Variants in SSC4D observed in about 807,000 individuals in gnomAD.
The protein encoded by SSC4D is scavenger receptor cysteine-rich domain-containing group B protein.
Under a neutral mutation model 63.4 loss-of-function variants are expected in SSC4D, and 57 were observed. The ratio of observed to expected loss-of-function variants is 0.90; its 90% confidence interval spans 0.73 to 1.12. SSC4D has a LOEUF of 1.12. SSC4D is among the 50% of genes most tolerant of loss of function. The pLI is 0.00. For synonymous variants in SSC4D, 352 were observed against 345.4 expected (o/e 1.02, Z -0.21); for missense variants, 791 against 806.4 (o/e 0.98, Z 0.23).
intron 1 of SSC4D, among the ~76,000 whole-genome samples, chr7:76,404,830 GA>G (rs966431846): frequency 2.0e-5 from 3 of 151,950 alleles, no homozygotes; most frequent in Non-Finnish European, 2.9e-5. Flanking sequence ...AGCACTTTGG[GA>G]GCCTGAGGGA....
At chr7:76,394,327 C>T (rs1380095144) in intron 7 of SSC4D, among the ~76,000 whole-genome samples, 1 of 152,078 alleles carries the variant, frequency 6.6e-6, no homozygotes, top group African/African-American at 2.4e-5. Flanking sequence ...TCACTGCAGC[C>T]TAGAACTCCT....
Position 76,400,544 on chromosome 7 carries a change from C to A in SSC4D, c.217G>T (p.Val73Phe). 1 of 1,536,082 alleles carries A rather than the reference C, an allele frequency of 6.5e-7. No individual in the cohort carries two copies. The highest frequency in any genetic ancestry group is 8.8e-7 in the Non-Finnish European group (1 of 1,139,604). The change falls in exon 4 of 11, where the codon GTC becomes TTC. Residue 73 changes from valine to phenylalanine, a missense_variant. Coordinates refer to ENST00000275560, the MANE Select transcript of SSC4D (RefSeq NM_080744.2). Reference protein sequence around the residue: ...GPSRCRGRLEVMHGGSWGSVC... With the variant: ...GPSRCRGRLEFMHGGSWGSVC... The stretch of plus-strand genomic sequence containing the variant: ...CTGCCCCAGGAGCCACCGTGCATGA[C>A]TTCCAGGCGGCCCCGGCAGCGGCTG...
At chr7:76,397,448 C>T in intron 6 of SSC4D, 70 bp downstream of exon 6, 1 of 1,430,824 alleles carries the variant, frequency 7.0e-7, no homozygotes, top group Admixed American at 2.9e-5. Flanking sequence ...ACCGAAGCCT[C>T]CTCCTCCAGC....
At chr7:76,401,808 T>A (rs1804838620) in intron 2 of SSC4D, among the ~76,000 whole-genome samples, 1 of 152,196 alleles carries the variant, frequency 6.6e-6, no homozygotes, top group African/African-American at 2.4e-5. Flanking sequence ...TTCCTCTGAA[T>A]TCCTGGACAC....
chr7:76,389,658 A>G lies in SSC4D; in HGVS notation c.*401T>C. 5.3e-6 allele frequency: 1 copy of G among 189,096 alleles called. No homozygotes were observed. Among genetic ancestry groups the G allele is most frequent in the Admixed American group, 5.3e-5 (1 of 18,692 alleles). 11.7% of individuals were successfully genotyped at this position (189,096 alleles called of 1,614,324 possible). On this transcript the variant is annotated 3_prime_UTR_variant, in exon 11 of 11. Transcript: ENST00000275560. ...GCCTTCCCTCTTCTTGGGGATCCCA[A>G]GATGGGTTGGGGGAAGAGGAGATAC... is the stretch of plus-strand genomic sequence containing the variant.
Position 76,400,552 on chromosome 7 carries a change from C to T in SSC4D, c.209G>A (p.Arg70His), listed in dbSNP as rs746892123. 21 of 1,517,478 alleles carry T rather than the reference C, an allele frequency of 1.4e-5. No individual in the cohort carries two copies. The highest frequency in any genetic ancestry group is 4.2e-5 in the African/African-American group (3 of 71,548). 94.0% of individuals were successfully genotyped at this position (1,517,478 alleles called of 1,614,324 possible). A position where few individuals can be genotyped will look rare whatever the true frequency, so the allele number is the denominator to read the frequency against. ...LVGGPSRCRG[R>H]LEVMHGGSWG... Reference sequence around the variant, plus strand: ...GGAGCCACCGTGCATGACTTCCAGGCGGCCCCGGCAGCGGCTGGGGCCCCC... The same window carrying T: ...GGAGCCACCGTGCATGACTTCCAGGTGGCCCCGGCAGCGGCTGGGGCCCCC... The change falls in exon 4 of 11, where the codon CGC becomes CAC. Residue 70 changes from arginine to histidine, a missense_variant. Coordinates refer to ENST00000275560, the MANE Select transcript of SSC4D (RefSeq NM_080744.2).
intron 1 of SSC4D, 73 bp downstream of exon 1, chr7:76,409,323 TCACACACACACACACACA>T (rs3081030): frequency 6.8e-6 from 1 of 146,428 alleles, no homozygotes; most frequent in African/African-American, 2.5e-5. Context: ...TCTCTCTGTC[TCACACACACACACACACA>T]CACACACACA....
chr7:76,394,867 ATATT>A (rs928133674), intron 7 of SSC4D, among the ~76,000 whole-genome samples: 4 of 132,914 alleles, frequency 3.0e-5, no homozygotes, highest in African/African-American at 1.4e-4. Flanking sequence ...TATATATAAG[ATATT>A]TATTTATTTA....
intron 9 of SSC4D, among the ~76,000 whole-genome samples, chr7:76,392,315 G>A (rs1165820656): frequency 2.0e-5 from 3 of 152,084 alleles, no homozygotes; most frequent in Admixed American, 6.6e-5. Context: ...TTGGGAGGCC[G>A]AGGCGGGTGG....
chr7:76,392,661 T>C (rs1437594984), intron 9 of SSC4D, among the ~76,000 whole-genome samples: 3 of 151,714 alleles, frequency 2.0e-5, no homozygotes, highest in Non-Finnish European at 4.4e-5. Context: ...CACGGTGGCA[T>C]GCCCCTTGTG....
chr7:76,393,556 C>T lies in SSC4D; in HGVS notation c.1182G>A (p.Thr394=), dbSNP rs555171387. The T allele has an allele frequency of 7.2e-6, 11 of 1,519,774 alleles. No individual in the cohort carries two copies. The South Asian group carries it at 1.1e-4, about 15-fold the overall frequency. 94.1% of individuals were successfully genotyped at this position (1,519,774 alleles called of 1,614,324 possible). ...GGCCGTAGCCGAAGTGGCCCAGTCC[C>T]GTAGCGCCCAGCGCAGGCCCGCAGC... The part of the protein sequence containing the change: ...EAGCGPALGA[T]GLGHFGYGRG... The change falls in exon 9 of 11, where the codon ACG becomes ACA. Residue 394 remains threonine, a synonymous_variant. Transcript: ENST00000275560.
chr7:76,390,534 C>T (rs2115732306), intron 10 of SSC4D, among the ~76,000 whole-genome samples, 159 bp from the exon 11 acceptor site: 1 of 152,322 alleles, frequency 6.6e-6, no homozygotes, highest in African/African-American at 2.4e-5. Flanking sequence ...AAGATTGGCG[C>T]TGGCTGGGCA....
Position 76,401,056 on chromosome 7 carries a change from G to A in SSC4D, c.134-13C>T. 2 of 1,543,810 alleles carry A rather than the reference G, an allele frequency of 1.3e-6. No individual in the cohort carries two copies. Among genetic ancestry groups the A allele is most frequent in the Non-Finnish European group, 1.8e-6 (2 of 1,142,814 alleles). On this transcript the variant is annotated splice_polypyrimidine_tract_variant and intron_variant, in intron 2 of 10. Transcript: ENST00000275560. The stretch of plus-strand genomic sequence containing the variant: ...TGTAGGGCGCTGGCTGAAACAGAGT[G>A]AGGAAGAGCATTGGCCCCTCTGCCC...
rs965675574 is a variant in SSC4D at position 76,397,753 on chromosome 7, G to T, written c.633C>A (p.Gly211=). The T allele has an allele frequency of 5.0e-6, 8 of 1,612,914 alleles. No individual in the cohort carries two copies. Among genetic ancestry groups the T allele is most frequent in the African/African-American group, 1.3e-5 (1 of 74,940 alleles). ...RVEILHSGLW[G]TVCDDDWGLP... ...GCCCCCAGTCGTCGTCACACACGGT[G>T]CCCCACAGGCCACTGTGCAGGATCT... Residue 211 remains glycine (G), a synonymous_variant, in exon 6 of 11, where the codon GGC becomes GGA. Transcript: ENST00000275560.
At chr7:76,396,300 A>G (rs986343099) in intron 6 of SSC4D, among the ~76,000 whole-genome samples, 1 of 152,178 alleles carries the variant, frequency 6.6e-6, no homozygotes, top group Non-Finnish European at 1.5e-5. Flanking sequence ...TCAGTTTACC[A>G]TTGCCGTGGC....
intron 1 of SSC4D, among the ~76,000 whole-genome samples, chr7:76,406,494 A>G (rs898252019): frequency 6.6e-6 from 1 of 151,032 alleles, no homozygotes; most frequent in African/African-American, 2.4e-5. Context: ...TTTATTTTTT[A>G]TTTTTTACAG....
intron 5 of SSC4D, 75 bp from the exon 6 acceptor site, chr7:76,397,907 G>T: frequency 7.1e-7 from 1 of 1,406,732 alleles, no homozygotes. Flanking sequence ...GGGCAGCCCG[G>T]TGTCCCAGGA....
chr7:76,391,171 T>G (rs1290858108), intron 10 of SSC4D, among the ~76,000 whole-genome samples: 2 of 151,520 alleles, frequency 1.3e-5, no homozygotes, highest in African/African-American at 4.9e-5. Context: ...CAGTGGCTCA[T>G]GCCTATAATC....
Position 76,395,265 on chromosome 7 carries a change from T to A in SSC4D, c.934A>T (p.Thr312Ser). 6.2e-7 allele frequency: 1 copy of A among 1,613,890 alleles called. No individual in the cohort carries two copies. The highest frequency in any genetic ancestry group is 8.5e-7 in the Non-Finnish European group (1 of 1,180,020). ...SATREDWAWQ[T>S]DPSATGVGPQ... ...CTGAGCTCTTTACCGGACGGATCTGTCTGCCAAGCCCAGTCCTCTCTTGTG... is the reference window on the plus strand; with the variant it reads ...CTGAGCTCTTTACCGGACGGATCTGACTGCCAAGCCCAGTCCTCTCTTGTG... The change falls in exon 7 of 11, where the codon ACA becomes TCA. Residue 312 changes from threonine to serine, a missense_variant. By Grantham distance (58) the Thr-to-Ser change is moderately conservative. Coordinates refer to ENST00000275560, the MANE Select transcript of SSC4D (RefSeq NM_080744.2).
Sources: allele counts gnomAD v4.1 joint callset (sites outside exome capture counted in the v4.1 genomes callset), GRCh38; gene constraint gnomAD v4.1.1; transcripts MANE v1.5; gene names NCBI Gene and HGNC (gene_info 2026-07-23, HGNC 2026-07-21).